The following HFE variants were observed in gnomAD, a reference collection of about 807,000 sequenced individuals.
HFE encodes the protein hereditary hemochromatosis protein.
Under a neutral mutation model 40.9 loss-of-function variants are expected in HFE, and 36 were observed. The observed-to-expected ratio is 0.88, with a 90% CI of 0.67 to 1.16. The LOEUF is 1.16. Ranked by LOEUF, HFE falls within the 50% of genes most tolerant of loss-of-function variation. HFE has a pLI of 0.00. For synonymous variants in HFE, 157 were observed against 165.4 expected, an observed-to-expected ratio of 0.95 and a Z score of 0.39; for missense variants, 376 against 432.0, an observed-to-expected ratio of 0.87 and a Z score of 1.15.
Position 26,095,061 on chromosome 6 carries a change from T to C in HFE, c.*835T>C, listed in dbSNP as rs1374310624. On this transcript the variant is annotated 3_prime_UTR_variant, in exon 6 of 6. Transcript: ENST00000357618. ...TCTCTCCTTGTTCTGATAATGAAAA[T>C]TATGATAAGGATGATAAAAGCACTT... The C allele has an allele frequency of 1.3e-5, 2 of 153,432 alleles. No individual in the cohort carries two copies. The highest frequency in any genetic ancestry group is 4.8e-5 in the African/African-American group (2 of 41,438). 9.5% of individuals were successfully genotyped at this position (153,432 alleles called of 1,614,324 possible).
At chr6:26,092,185 A>G (rs1762762823) in intron 3 of HFE, among the ~76,000 whole-genome samples, 1 of 151,672 alleles carries the variant, frequency 6.6e-6, no homozygotes, top group African/African-American at 2.4e-5. Flanking sequence ...AAAAAAAAAA[A>G]AAAAAAAAAA....
At position 26,096,433 on chromosome 6, in the gene HFE, C is replaced by T. The variant is rs180697163; in HGVS notation, c.*2207C>T. ...ACAGGTGTGAGCCACCCTGCCCAGC[C>T]GTCAAAAGAGTCTTAATATATATAT... On this transcript the variant is annotated 3_prime_UTR_variant, in exon 6 of 6. Coordinates refer to ENST00000357618, the MANE Select transcript of HFE (RefSeq NM_000410.4). 926 of 455,586 alleles carry T rather than the reference C, an allele frequency of 2.0e-3. 25 individuals carry two copies. Among genetic ancestry groups the T allele is most frequent in the Admixed American group, 0.018 (748 of 42,542 alleles). 28.2% of individuals were successfully genotyped at this position (455,586 alleles called of 1,614,324 possible).
rs1212729314 is a variant in HFE at position 26,097,642 on chromosome 6, A to C, written c.*3416A>C. The C allele has an allele frequency of 6.6e-6, 1 of 152,000 alleles. No homozygotes were observed. The highest frequency in any genetic ancestry group is 1.9e-4 in the East Asian group (1 of 5,160). 9.4% of individuals were successfully genotyped at this position (152,000 alleles called of 1,614,324 possible). ...ACAAACAAGAAACTACTTACCAGCT[A>C]TTTGAATTGCTGGAATCACAGGCCA... On this transcript the variant is annotated 3_prime_UTR_variant, in exon 6 of 6. Coordinates refer to ENST00000357618, the MANE Select transcript of HFE (RefSeq NM_000410.4).
chr6:26,091,494 T>C lies in HFE; in HGVS notation c.521T>C (p.Ile174Thr). ...PTKLEWERHK[I>T]RARQNRAYLE... is the part of the protein sequence containing the mutation. ...AAGCTGGAGTGGGAAAGGCACAAGA[T>C]TCGGGCCAGGCAGAACAGGGCCTAC... Residue 174 changes from isoleucine to threonine, a missense_variant, in exon 3 of 6, where the codon ATT (isoleucine) becomes ACT (threonine). By Grantham distance (89) the Ile-to-Thr change is moderately conservative (BLOSUM62 -1). Coordinates refer to ENST00000357618, the MANE Select transcript of HFE (RefSeq NM_000410.4). 6.2e-7 allele frequency: 1 copy of C among 1,613,924 alleles called. No homozygotes were observed. The highest frequency in any genetic ancestry group is 8.5e-7 in the Non-Finnish European group (1 of 1,179,974).
chr6:26,093,249 G>A lies in HFE; in HGVS notation c.1006+17G>A, dbSNP rs1468913458. The A allele has an allele frequency of 1.9e-6, 3 of 1,561,248 alleles. No homozygotes were observed. In the African/African-American group the frequency reaches 4.1e-5, roughly 21 times the overall value. ...AGGGTTCAAGTGAGTAGGAACAAGG[G>A]GGAAGTCTCTTAGTACCTCTGCCCC... On this transcript the variant is annotated intron_variant, in intron 5 of 5. Coordinates refer to ENST00000357618, the MANE Select transcript of HFE (RefSeq NM_000410.4).
At chr6:26,090,720 C>A in intron 1 of HFE, 121 bp from the exon 2 acceptor site, 1 of 1,043,824 alleles carries the variant, frequency 9.6e-7, no homozygotes. Context: ...GACTGCAACT[C>A]ACCCTTCACA....
rs369807746 is a variant in HFE at position 26,087,434 on chromosome 6, T to C, written c.-7T>C. ...TTTAACGGGGACGTGCGGCCAGAGC[T>C]GGGGAAATGGGCCCGCGAGCCAGGC... On this transcript the variant is annotated 5_prime_UTR_variant, in exon 1 of 6. Transcript: ENST00000357618. 127 of 1,613,834 alleles carry C rather than the reference T, an allele frequency of 7.9e-5. 1 individual carries two copies. The highest frequency in any genetic ancestry group is 1.3e-4 in the Admixed American group (8 of 59,996).
chr6:26,092,591 C>G lies in HFE; in HGVS notation c.617-94C>G, dbSNP rs557445948. The G allele has an allele frequency of 6.5e-5, 104 of 1,610,928 alleles. No individual in the cohort carries two copies. In the South Asian group the frequency reaches 1.0e-3, roughly 16 times the overall value. On this transcript the variant is annotated intron_variant, in intron 3 of 5. Coordinates refer to ENST00000357618, the MANE Select transcript of HFE (RefSeq NM_000410.4). ...TTGTTTTTTTCTGAAAAGGGTATTTCCTTCCTCCAACCTATAGAAGGAAGT... is the reference window on the plus strand; with the variant it reads ...TTGTTTTTTTCTGAAAAGGGTATTTGCTTCCTCCAACCTATAGAAGGAAGT...
At position 26,094,549 on chromosome 6, in the gene HFE, T is replaced by C; in HGVS notation, c.*323T>C. On this transcript the variant is annotated 3_prime_UTR_variant, in exon 6 of 6. Transcript: ENST00000357618. ...ACACCTATGTCATTTCATTTCCTAT[T>C]TTTGGAAGAGGACTCCTTAAATTTG... 2 of 673,610 alleles carry C rather than the reference T, an allele frequency of 3.0e-6. No homozygotes were observed. Among genetic ancestry groups the C allele is most frequent in the South Asian group, 1.6e-5 (1 of 62,528 alleles). The allele number at this position is 673,610 out of a possible 1,614,324, so 41.7% of individuals were successfully genotyped here. A position where few individuals can be genotyped will look rare whatever the true frequency, so the allele number is the denominator to read the frequency against.
intron 3 of HFE, among the ~76,000 whole-genome samples, chr6:26,092,013 A>G (rs1458780427): frequency 2.6e-5 from 4 of 151,902 alleles, no homozygotes; most frequent in Non-Finnish European, 4.4e-5. Context: ...CGTCTCTAAA[A>G]AAATACAAAA....
intron 1 of HFE, among the ~76,000 whole-genome samples, chr6:26,088,389 T>C (rs1395946576): frequency 6.6e-6 from 1 of 152,246 alleles, no homozygotes; most frequent in Admixed American, 6.5e-5. Context: ...TTTATTTTAC[T>C]AGAAGTTAAC....
At position 26,096,793 on chromosome 6, in the gene HFE, A is replaced by C. The variant is rs554784508; in HGVS notation, c.*2567A>C. On this transcript the variant is annotated 3_prime_UTR_variant, in exon 6 of 6. Transcript: ENST00000357618. ...CCTGTTAGTATTATTGTTGCATTAAAAATGCATATACTTTAATAAATGTAT... is the reference window on the plus strand; with the variant it reads ...CCTGTTAGTATTATTGTTGCATTAACAATGCATATACTTTAATAAATGTAT... 10 of 360,156 alleles carry C rather than the reference A, an allele frequency of 2.8e-5. No individual in the cohort carries two copies. Among genetic ancestry groups the C allele is most frequent in the South Asian group, 2.2e-4 (10 of 46,216 alleles). The allele number at this position is 360,156 out of a possible 1,614,324, so 22.3% of individuals were successfully genotyped here. A position where few individuals can be genotyped will look rare whatever the true frequency, so the allele number is the denominator to read the frequency against.
chr6:26,096,363 T>A lies in HFE; in HGVS notation c.*2137T>A, dbSNP rs1763029638. ...TGGCCAGGCTGGTCTCGAACTCTCCTGACCTCGTGATCCGCCTGCCTCGGC... is the reference window on the plus strand; with the variant it reads ...TGGCCAGGCTGGTCTCGAACTCTCCAGACCTCGTGATCCGCCTGCCTCGGC... On this transcript the variant is annotated 3_prime_UTR_variant, in exon 6 of 6. Coordinates refer to ENST00000357618, the MANE Select transcript of HFE (RefSeq NM_000410.4). 2 of 443,810 alleles carry A rather than the reference T, an allele frequency of 4.5e-6. No individual in the cohort carries two copies. Among genetic ancestry groups the A allele is most frequent in the Non-Finnish European group, 9.0e-6 (2 of 222,760 alleles). 27.5% of individuals were successfully genotyped at this position (443,810 alleles called of 1,614,324 possible).
rs763120100 is a variant in HFE, at chr6:26,087,465, C to T, written c.25C>T (p.Leu9Phe). Residue 9 changes from leucine to phenylalanine, a missense_variant, in exon 1 of 6, where the codon CTT (leucine) becomes TTT (phenylalanine). Leu to Phe is a conservative substitution (Grantham distance 22). Around this residue, in one of 3 missense-constraint regions of HFE, gnomAD observed 200 missense variants for 228.5 expected, o/e 0.88. Transcript: ENST00000357618. MGPRARPALLLLMLLQTAV... is the reference protein window; with the variant it reads MGPRARPAFLLLMLLQTAV... ...AATGGGCCCGCGAGCCAGGCCGGCG[C>T]TTCTCCTCCTGATGCTTTTGCAGAC... 19 of 1,614,124 alleles carry T rather than the reference C, an allele frequency of 1.2e-5. No homozygotes were observed. The highest frequency in any genetic ancestry group is 1.5e-5 in the Non-Finnish European group (18 of 1,180,004).
rs748197032 is a variant in HFE, at chr6:26,087,467, TCTC to T, written c.33_35del (p.Leu12del). The T allele has an allele frequency of 1.9e-5, 30 of 1,613,924 alleles. No homozygotes were observed. The highest frequency in any genetic ancestry group is 8.5e-7 in the Non-Finnish European group (1 of 1,179,994). On this transcript the variant is annotated inframe_deletion, in exon 1 of 6. Coordinates refer to ENST00000357618, the MANE Select transcript of HFE (RefSeq NM_000410.4). The stretch of plus-strand genomic sequence containing the variant: ...TGGGCCCGCGAGCCAGGCCGGCGCT[TCTC>T]CTCCTGATGCTTTTGCAGACCGCGG...
chr6:26,097,848 C>T lies in HFE; in HGVS notation c.*3622C>T, dbSNP rs907595259. On this transcript the variant is annotated 3_prime_UTR_variant, in exon 6 of 6. Transcript: ENST00000357618. ...TATTTTATAAAACATTCTTCACAAA[C>T]TCACACACATTTAAAAACAAAACAC... 9.2e-5 allele frequency: 14 copies of T among 152,302 alleles called. No individual in the cohort carries two copies. The highest frequency in any genetic ancestry group is 3.4e-4 in the African/African-American group (14 of 41,574). The allele number at this position is 152,302 out of a possible 1,614,324, so 9.4% of individuals were successfully genotyped here. A position where few individuals can be genotyped will look rare whatever the true frequency, so the allele number is the denominator to read the frequency against.
In HFE at chr6:26,087,521, G is replaced by C; in HGVS notation, c.76+5G>C. On this transcript the variant is annotated splice_donor_5th_base_variant and intron_variant, in intron 1 of 5. Coordinates refer to ENST00000357618, the MANE Select transcript of HFE (RefSeq NM_000410.4). ...TCCTGCAGGGGCGCTTGCTGCGTGA[G>C]TCCGAGGGCTGCGGGCGAACTAGGG... The C allele has an allele frequency of 6.2e-7, 1 of 1,609,898 alleles. No individual in the cohort carries two copies. The highest frequency in any genetic ancestry group is 1.3e-5 in the African/African-American group (1 of 74,978).
In HFE at chr6:26,093,175, G is replaced by A; in HGVS notation, c.949G>A (p.Val317Ile). Residue 317 changes from valine (V) to isoleucine (I), a missense_variant, in exon 5 of 6, where the codon GTC (valine) becomes ATC (isoleucine). Physicochemically the swap from Val to Ile is conservative, Grantham distance 29. This residue lies in a region of HFE where 173 missense variants were observed against 186.9 expected (regional missense o/e 0.93). Coordinates refer to ENST00000357618, the MANE Select transcript of HFE (RefSeq NM_000410.4). ...AGTCATCAGTGGAATTGCTGTTTTT[G>A]TCGTCATCTTGTTCATTGGAATTTT... ...IGVISGIAVF[V>I]VILFIGILFI... The A allele has an allele frequency of 6.2e-7, 1 of 1,614,110 alleles. No individual in the cohort carries two copies. Among genetic ancestry groups the A allele is most frequent in the Non-Finnish European group, 8.5e-7 (1 of 1,180,020 alleles).
chr6:26,090,212 G>C (rs1355036832), intron 1 of HFE, among the ~76,000 whole-genome samples: 7 of 152,016 alleles, frequency 4.6e-5, no homozygotes, highest in Admixed American at 4.6e-4. Flanking sequence ...GGTGGCTGAG[G>C]CAGGTAGATC....
Sources: allele counts gnomAD v4.1 joint callset (sites outside exome capture counted in the v4.1 genomes callset), GRCh38; gene constraint gnomAD v4.1.1; regional missense constraint gnomAD v4.1.1; transcripts MANE v1.5; gene names NCBI Gene and HGNC (gene_info 2026-07-23, HGNC 2026-07-21).